The following DZIP1L variants were observed in gnomAD, a reference collection of about 807,000 sequenced individuals.
The protein encoded by DZIP1L is cilium assembly protein DZIP1L.
DZIP1L carries 90 observed loss-of-function variants against 88.7 expected under a neutral mutation model. The ratio of observed to expected loss-of-function variants is 1.02; its 90% CI spans 0.86 to 1.21. DZIP1L has a LOEUF of 1.21. Ranked by LOEUF, DZIP1L falls within the 50% of genes most tolerant of loss-of-function variation. DZIP1L has a pLI of 0.00. For synonymous variants in DZIP1L, 363 were observed against 372.1 expected, an observed-to-expected ratio of 0.98 and a Z score of 0.28; for missense variants, 932 against 955.8, an observed-to-expected ratio of 0.98 and a Z score of 0.33.
chr3:138,067,176 C>T (rs1057178304), intron 14 of DZIP1L, among the ~76,000 whole-genome samples: 11 of 152,142 alleles, frequency 7.2e-5, no homozygotes, highest in African/African-American at 2.7e-4. Context: ...ACTACTAGAG[C>T]GAGGCTTTGA....
chr3:138,087,040 G>T lies in DZIP1L; in HGVS notation c.1000-17C>A. ...CTCCGTTTTCTGAAAAAGATTAAAA[G>T]CTTATCAAATGGGCCCTTGCAGGTA... On this transcript the variant is annotated splice_polypyrimidine_tract_variant and intron_variant, in intron 6 of 15. Transcript: ENST00000327532. 2 of 1,613,582 alleles carry T rather than the reference G, an allele frequency of 1.2e-6. No homozygotes were observed. The highest frequency in any genetic ancestry group is 1.7e-6 in the Non-Finnish European group (2 of 1,179,700).
In DZIP1L at chr3:138,115,580, T is replaced by A. The variant is rs941546098; in HGVS notation, c.-334A>T. ...ACCTGCGGGACCGCGGACAGAGAGC[T>A]CCTCGGTGCGTCGGTCAGCTCGTGG... On this transcript the variant is annotated 5_prime_UTR_variant, in exon 1 of 16. Coordinates refer to ENST00000327532, the MANE Select transcript of DZIP1L (RefSeq NM_173543.3). The A allele has an allele frequency of 3.2e-4, 48 of 151,842 alleles. No individual in the cohort carries two copies. The highest frequency in any genetic ancestry group is 9.9e-4 in the African/African-American group (41 of 41,266). 9.4% of individuals were successfully genotyped at this position (151,842 alleles called of 1,614,324 possible).
rs755302692 is a variant in DZIP1L, at chr3:138,094,858, C to A, written c.708+4G>T. ...TCTCCCTGATGTTTTCTCTCCCTGC[C>A]CACCTGGAGCTGCCGCTGCCTCTCC... On this transcript the variant is annotated splice_donor_region_variant and intron_variant, in intron 4 of 15. Coordinates refer to ENST00000327532, the MANE Select transcript of DZIP1L (RefSeq NM_173543.3). 6.2e-7 allele frequency: 1 copy of A among 1,614,154 alleles called. No homozygotes were observed. Among genetic ancestry groups the A allele is most frequent in the South Asian group, 1.1e-5 (1 of 91,074 alleles).
At chr3:138,102,700 A>G (rs563388156) in intron 2 of DZIP1L, 1 of 900,284 alleles carries the variant, frequency 1.1e-6, no homozygotes, top group Non-Finnish European at 1.9e-6. Flanking sequence ...AAGGGGGCTC[A>G]GCAGGCTCTG....
rs561953016 is a variant in DZIP1L at position 138,062,478 on chromosome 3, G to A, written c.*338C>T. 32 of 218,786 alleles carry A rather than the reference G, an allele frequency of 1.5e-4. No homozygotes were observed. The highest frequency in any genetic ancestry group is 5.5e-4 in the Admixed American group (11 of 20,020). The allele number at this position is 218,786 out of a possible 1,614,324, so 13.6% of individuals were successfully genotyped here. A position where few individuals can be genotyped will look rare whatever the true frequency, so the allele number is the denominator to read the frequency against. On this transcript the variant is annotated 3_prime_UTR_variant, in exon 16 of 16. Transcript: ENST00000327532. ...GAACCATCTCCACAGTGTTCCTGCA[G>A]TTTTATAAAAGGCTTGGGAAAAGAG...
Position 138,094,898 on chromosome 3 carries a change from T to C in DZIP1L, c.672A>G (p.Glu224=). 1 of 1,614,250 alleles carries C rather than the reference T, an allele frequency of 6.2e-7. No individual in the cohort carries two copies. Among genetic ancestry groups the C allele is most frequent in the Non-Finnish European group, 8.5e-7 (1 of 1,180,034 alleles). The change falls in exon 4 of 16, where the codon GAA becomes GAG. Residue 224 remains glutamate (E), a synonymous_variant. Coordinates refer to ENST00000327532, the MANE Select transcript of DZIP1L (RefSeq NM_173543.3). ...GCTGCCTCTCCGCCTCCCTCTGGGCTTCCAGCTCCCCTTGGGTCCACTTTA... is the reference window on the plus strand; with the variant it reads ...GCTGCCTCTCCGCCTCCCTCTGGGCCTCCAGCTCCCCTTGGGTCCACTTTA... The part of the protein sequence containing the change: ...AKLKWTQGEL[E]AQREAERQRQ...
chr3:138,064,211 C>T (rs1295890037), intron 15 of DZIP1L, among the ~76,000 whole-genome samples: 2 of 152,158 alleles, frequency 1.3e-5, no homozygotes, highest in African/African-American at 4.8e-5. Flanking sequence ...CACTCCAGTA[C>T]CACCCTTGGG....
chr3:138,100,496 T>C (rs1446904595), intron 2 of DZIP1L, among the ~76,000 whole-genome samples: 1 of 152,178 alleles, frequency 6.6e-6, no homozygotes, highest in Non-Finnish European at 1.5e-5. Context: ...CAAGATGGAG[T>C]TATGGGAACC....
intron 12 of DZIP1L, among the ~76,000 whole-genome samples, chr3:138,069,599 T>G (rs971168208): frequency 3.9e-5 from 6 of 152,200 alleles, no homozygotes; most frequent in Non-Finnish European, 8.8e-5. Context: ...TAGCTTCCCA[T>G]GACTGTGTAC....
At chr3:138,082,044 T>A (rs1425470297) in intron 8 of DZIP1L, among the ~76,000 whole-genome samples, 2 of 152,180 alleles carry the variant, frequency 1.3e-5, no homozygotes, top group Non-Finnish European at 2.9e-5. Flanking sequence ...AGGAGCCCCA[T>A]AGAAACAGAG....
At chr3:138,092,107 C>T (rs1344481075) in intron 5 of DZIP1L, among the ~76,000 whole-genome samples, 2 of 152,182 alleles carry the variant, frequency 1.3e-5, no homozygotes, top group East Asian at 3.8e-4. Flanking sequence ...TGTATATGTA[C>T]TAATTTAACC....
At chr3:138,080,234 T>C (rs371624642) in intron 10 of DZIP1L, 8 of 227,344 alleles carry the variant, frequency 3.5e-5, no homozygotes, top group African/African-American at 9.0e-5. Flanking sequence ...CTGTTCTGCA[T>C]AGTCGCAGGT....
chr3:138,087,054 C>A (rs767874963), intron 6 of DZIP1L, 31 bp from the exon 7 acceptor site: 27 of 1,606,640 alleles, frequency 1.7e-5, no homozygotes, highest in Non-Finnish European at 2.2e-5. Flanking sequence ...ATCAAATGGG[C>A]CCTTGCAGGT....
At chr3:138,075,609 A>G (rs1943369631) in intron 11 of DZIP1L, among the ~76,000 whole-genome samples, 1 of 152,270 alleles carries the variant, frequency 6.6e-6, no homozygotes, top group African/African-American at 2.4e-5. Context: ...TGACTGAACG[A>G]TAATAGTGAC....
chr3:138,080,741 C>T, intron 9 of DZIP1L, 121 bp from the exon 10 acceptor site: 1 of 934,798 alleles, frequency 1.1e-6, no homozygotes, highest in South Asian at 1.6e-5. Flanking sequence ...GTCAGTGCAT[C>T]TTGACTGGAG....
In DZIP1L at chr3:138,062,370, G is replaced by C. The variant is rs1942743330; in HGVS notation, c.*446C>G. ...GAGAGGCTAGAGAGCCTGGCGCAGA[G>C]TAGGTAGGCACTCAGTAAATAATTT... On this transcript the variant is annotated 3_prime_UTR_variant, in exon 16 of 16. Coordinates refer to ENST00000327532, the MANE Select transcript of DZIP1L (RefSeq NM_173543.3). The C allele has an allele frequency of 6.2e-6, 1 of 161,272 alleles. No individual in the cohort carries two copies. Among genetic ancestry groups the C allele is most frequent in the African/African-American group, 2.4e-5 (1 of 41,644 alleles). 10.0% of individuals were successfully genotyped at this position (161,272 alleles called of 1,614,324 possible). A position where few individuals can be genotyped will look rare whatever the true frequency, so the allele number is the denominator to read the frequency against.
chr3:138,094,365 G>C (rs73227526), intron 4 of DZIP1L, among the ~76,000 whole-genome samples: 23 of 152,294 alleles, frequency 1.5e-4, no homozygotes, highest in Non-Finnish European at 2.1e-4. Flanking sequence ...CACAAAAAAA[G>C]AAGTATGCCT....
At chr3:138,099,465 T>C (rs1944625264) in intron 2 of DZIP1L, among the ~76,000 whole-genome samples, 1 of 152,222 alleles carries the variant, frequency 6.6e-6, no homozygotes, top group African/African-American at 2.4e-5. Context: ...AAGCACCTTT[T>C]GTAATAATAT....
In DZIP1L at chr3:138,062,602, G is replaced by A. The variant is rs140556026; in HGVS notation, c.*214C>T. 1.1e-4 allele frequency: 55 copies of A among 522,938 alleles called. No individual in the cohort carries two copies. Among genetic ancestry groups the A allele is most frequent in the African/African-American group, 9.6e-4 (51 of 53,334 alleles). 32.4% of individuals were successfully genotyped at this position (522,938 alleles called of 1,614,324 possible). ...CCCTTTCTCAAGCCTGGGGACCTAGGGGCTCCTAGTCAGGCACCTGTGGCC... is the reference window on the plus strand; with the variant it reads ...CCCTTTCTCAAGCCTGGGGACCTAGAGGCTCCTAGTCAGGCACCTGTGGCC... On this transcript the variant is annotated 3_prime_UTR_variant, in exon 16 of 16. Transcript: ENST00000327532.
Sources: allele counts gnomAD v4.1 joint callset (sites outside exome capture counted in the v4.1 genomes callset), GRCh38; gene constraint gnomAD v4.1.1; transcripts MANE v1.5; gene names NCBI Gene and HGNC (gene_info 2026-07-23, HGNC 2026-07-21).